CSMD1: variants seen among roughly 807,000 people sequenced by gnomAD.
CSMD1 encodes CUB and Sushi multiple domains 1.
A neutral mutation model predicts 417.5 loss-of-function variants in CSMD1; 213 were observed. The ratio of observed to expected loss-of-function variants is 0.51; its 90% confidence interval spans 0.46 to 0.57. CSMD1 has a LOEUF of 0.57. CSMD1 is among the 20% of genes least tolerant of loss of function. The pLI is 0.00. For missense variants in CSMD1, 6,923 were observed against 4,529.7 expected (o/e 1.53, Z -15.17); for synonymous variants, 2,862 against 1,736.8 (o/e 1.65, Z -16.11).
chr8:3,229,362 G>T (rs1483999222), intron 27 of CSMD1, among the ~76,000 whole-genome samples: 1 of 152,138 alleles, frequency 6.6e-6, no homozygotes, highest in Non-Finnish European at 1.5e-5. Context: ...AATTTTATTA[G>T]TAGAATATTT....
rs201897158 is a variant in CSMD1, at chr8:3,747,426, T to TC, written c.931+6503_931+6504insG. 6.6e-5 allele frequency among the ~76,000 whole-genome samples: 10 copies of TC among 152,278 alleles called. No individual in the cohort carries two copies. The East Asian group carries it at 1.9e-3, about 29-fold the overall frequency. Reference sequence around the variant, plus strand: ...TTATGTAGACACAGTATTTTTTTTTTACTAATGGTCATCCATGCGAACACA... The same window carrying TC: ...TTATGTAGACACAGTATTTTTTTTTTCACTAATGGTCATCCATGCGAACACA... On this transcript the variant is annotated intron_variant, in intron 6 of 69. Transcript: ENST00000635120.
At chr8:4,251,214 C>G (rs1803045639) in intron 3 of CSMD1, among the ~76,000 whole-genome samples, 1 of 151,950 alleles carries the variant, frequency 6.6e-6, no homozygotes. Flanking sequence ...TAAATAAAAC[C>G]TATAACAGCT....
intron 1 of CSMD1, among the ~76,000 whole-genome samples, chr8:4,968,895 T>C (rs1374336568): frequency 6.6e-6 from 1 of 152,188 alleles, no homozygotes; most frequent in East Asian, 1.9e-4. Context: ...GTCTCTCGGG[T>C]TGCCACCAAC....
chr8:4,505,043 T>C (rs1446348527), intron 2 of CSMD1, among the ~76,000 whole-genome samples: 1 of 152,182 alleles, frequency 6.6e-6, no homozygotes, highest in Non-Finnish European at 1.5e-5. Flanking sequence ...TCTAGATCCT[T>C]GAGGAACTGC....
At chr8:3,735,220 G>A (rs1364727588) in intron 6 of CSMD1, among the ~76,000 whole-genome samples, 1 of 152,098 alleles carries the variant, frequency 6.6e-6, no homozygotes, top group African/African-American at 2.4e-5. Flanking sequence ...GCTCCTTAAT[G>A]GCTTTCTGTC....
intron 1 of CSMD1, among the ~76,000 whole-genome samples, chr8:4,673,939 A>G (rs1285614044): frequency 2.6e-5 from 4 of 152,178 alleles, no homozygotes; most frequent in East Asian, 1.9e-4. Flanking sequence ...CCCTAAAATT[A>G]ATAAAGGAGG....
At chr8:4,301,059 A>C (rs906087928) in intron 3 of CSMD1, among the ~76,000 whole-genome samples, 10 of 152,336 alleles carry the variant, frequency 6.6e-5, no homozygotes, top group African/African-American at 2.4e-4. Flanking sequence ...AGAAGGAGCC[A>C]AATCAGGACT....
chr8:3,281,899 G>C (rs1242605200), intron 26 of CSMD1, among the ~76,000 whole-genome samples: 5 of 152,132 alleles, frequency 3.3e-5, no homozygotes, highest in East Asian at 3.9e-4. Flanking sequence ...CCCCAGTGCT[G>C]TCTTCATGAT....
At chr8:4,857,777 T>C (rs911839006) in intron 1 of CSMD1, among the ~76,000 whole-genome samples, 1 of 151,820 alleles carries the variant, frequency 6.6e-6, no homozygotes, top group African/African-American at 2.4e-5. Flanking sequence ...AATCAATAGC[T>C]TACCAACCAA....
chr8:4,502,506 C>T (rs1220701597), intron 2 of CSMD1, among the ~76,000 whole-genome samples: 2 of 152,116 alleles, frequency 1.3e-5, no homozygotes, highest in African/African-American at 4.8e-5. Flanking sequence ...GCCATGACCA[C>T]GTCATTCCAT....
At chr8:4,785,873 C>A (rs191086703) in intron 1 of CSMD1, among the ~76,000 whole-genome samples, 7 of 152,166 alleles carry the variant, frequency 4.6e-5, no homozygotes, top group African/African-American at 1.7e-4. Flanking sequence ...TAAGACACAA[C>A]GGGGCCTGGA....
intron 10 of CSMD1, among the ~76,000 whole-genome samples, chr8:3,557,816 A>T (rs1375167861): frequency 6.6e-6 from 1 of 152,210 alleles, no homozygotes; most frequent in Non-Finnish European, 1.5e-5. Context: ...TAGGTTGATT[A>T]TTAATAGCAT....
chr8:4,719,009 A>T (rs1420630690), intron 1 of CSMD1, among the ~76,000 whole-genome samples: 1 of 152,174 alleles, frequency 6.6e-6, no homozygotes, highest in Non-Finnish European at 1.5e-5. Flanking sequence ...TATGAGAAAA[A>T]AGGAAAACAA....
At chr8:3,287,153 T>C (rs1250961935) in intron 25 of CSMD1, among the ~76,000 whole-genome samples, 1 of 150,522 alleles carries the variant, frequency 6.6e-6, no homozygotes, top group East Asian at 1.9e-4. Context: ...GCATTATTTC[T>C]GAGGGCTCTG....
chr8:4,250,770 C>T (rs1236013267), intron 3 of CSMD1, among the ~76,000 whole-genome samples: 1 of 152,076 alleles, frequency 6.6e-6, no homozygotes, highest in East Asian at 1.9e-4. Context: ...ATAAATATGC[C>T]AGTAACTCAA....
chr8:3,460,549 G>C (rs118100091), intron 12 of CSMD1, among the ~76,000 whole-genome samples: 2,191 of 152,080 alleles, frequency 0.014, 21 homozygotes, highest in Non-Finnish European at 0.024. Flanking sequence ...ATGAAGTTTC[G>C]ACCACTACAG....
intron 1 of CSMD1, among the ~76,000 whole-genome samples, chr8:4,710,711 G>A (rs749777699): frequency 2.4e-4 from 36 of 151,676 alleles, no homozygotes; most frequent in Non-Finnish European, 3.8e-4. Flanking sequence ...CCAGCATGGG[G>A]CCACATGCCT....
At position 4,369,334 on chromosome 8, in the gene CSMD1, A is replaced by G. The variant is rs545563157; in HGVS notation, c.415+50619T>C. On this transcript the variant is annotated intron_variant, in intron 3 of 69. Coordinates refer to ENST00000635120, the MANE Select transcript of CSMD1 (RefSeq NM_033225.6). ...TGTTATGAATTGAATTTTTTTTTAA[A>G]TTTATTGAGACTTGCTTTAAGGCCA... Among the ~76,000 whole-genome samples, 10 of 152,032 alleles carry G rather than the reference A, an allele frequency of 6.6e-5. No individual in the cohort carries two copies. In the East Asian group the frequency reaches 1.5e-3, roughly 24 times the overall value.
chr8:3,756,754 C>G (rs960755065), intron 5 of CSMD1, among the ~76,000 whole-genome samples: 10 of 152,100 alleles, frequency 6.6e-5, no homozygotes, highest in Non-Finnish European at 1.3e-4. Flanking sequence ...TATTTTCTCA[C>G]TCGCATTACT....
Sources: allele counts gnomAD v4.1 joint callset (sites outside exome capture counted in the v4.1 genomes callset), GRCh38; gene constraint gnomAD v4.1.1; transcripts MANE v1.5; gene names NCBI Gene and HGNC (gene_info 2026-07-23, HGNC 2026-07-21).